SLC24A3: variants seen among roughly 807,000 people sequenced by gnomAD.
SLC24A3 encodes sodium/potassium/calcium exchanger 3.
Under a neutral mutation model 75.8 loss-of-function variants are expected in SLC24A3, and 28 were observed. The ratio of observed to expected loss-of-function variants is 0.37; its 90% confidence interval spans 0.27 to 0.51. The LOEUF is 0.51. Among genes scored for constraint, SLC24A3 ranks in the 20% least tolerant of loss-of-function variants. The probability of loss-of-function intolerance (pLI) is 0.94; values close to 1 mark genes in which losing one functional copy is unlikely to be tolerated. For missense variants in SLC24A3, 663 were observed against 847.8 expected, an observed-to-expected ratio of 0.78 and a Z score of 2.71; for synonymous variants, 372 against 334.1, an observed-to-expected ratio of 1.11 and a Z score of -1.24.
chr20:19,698,146 C>T (rs971812890), intron 14 of SLC24A3, among the ~76,000 whole-genome samples: 5 of 152,020 alleles, frequency 3.3e-5, no homozygotes, highest in Admixed American at 6.5e-5. Context: ...CCAGATCTCA[C>T]GAGATCTCAC....
At chr20:19,333,818 GTCC>G (rs1985060813) in intron 2 of SLC24A3, among the ~76,000 whole-genome samples, 1 of 152,134 alleles carries the variant, frequency 6.6e-6, no homozygotes, top group African/African-American at 2.4e-5. Flanking sequence ...CCAGTAAATT[GTCC>G]TCCACCACAC....
At chr20:19,432,838 G>T (rs1341314918) in intron 2 of SLC24A3, among the ~76,000 whole-genome samples, 3 of 152,184 alleles carry the variant, frequency 2.0e-5, no homozygotes, top group African/African-American at 7.2e-5. Flanking sequence ...AAGTTTTTTT[G>T]ATGAACTTTC....
intron 2 of SLC24A3, among the ~76,000 whole-genome samples, chr20:19,422,370 A>G (rs1262595536): frequency 6.6e-6 from 1 of 152,096 alleles, no homozygotes; most frequent in African/African-American, 2.4e-5. Flanking sequence ...GCAGGTAGTG[A>G]CACAGGTATT....
At chr20:19,704,204 T>TGG (rs11473728) in intron 15 of SLC24A3, among the ~76,000 whole-genome samples, 2 of 150,102 alleles carry the variant, frequency 1.3e-5, no homozygotes, top group South Asian at 2.1e-4. Context: ...GATGGATGGA[T>TGG]AGATGGATGG....
chr20:19,519,079 G>T (rs1036084459), intron 3 of SLC24A3, among the ~76,000 whole-genome samples: 3 of 152,122 alleles, frequency 2.0e-5, no homozygotes, highest in Non-Finnish European at 4.4e-5. Flanking sequence ...GGGGTTCACT[G>T]CTCGTAGTCA....
chr20:19,460,208 G>C (rs148237902), intron 2 of SLC24A3, among the ~76,000 whole-genome samples: 1 of 152,080 alleles, frequency 6.6e-6, no homozygotes, highest in South Asian at 2.1e-4. Context: ...TAAATTTTGC[G>C]CACCAGGTAC....
At chr20:19,368,963 A>G (rs1985944228) in intron 2 of SLC24A3, among the ~76,000 whole-genome samples, 1 of 152,246 alleles carries the variant, frequency 6.6e-6, no homozygotes, top group South Asian at 2.1e-4. Flanking sequence ...GAATGAATGA[A>G]TGAACAAGAT....
chr20:19,329,496 T>C (rs1421859199), intron 2 of SLC24A3, among the ~76,000 whole-genome samples: 1 of 152,238 alleles, frequency 6.6e-6, no homozygotes, highest in Non-Finnish European at 1.5e-5. Flanking sequence ...CAGCTATTCC[T>C]TGGGCACTTA....
At chr20:19,686,083 A>C (rs988992052) in intron 12 of SLC24A3, among the ~76,000 whole-genome samples, 5 of 152,184 alleles carry the variant, frequency 3.3e-5, no homozygotes, top group African/African-American at 1.2e-4. Context: ...GTTCTATGGG[A>C]CAGTTGGGCT....
chr20:19,221,735 C>A (rs894172148), intron 1 of SLC24A3, among the ~76,000 whole-genome samples: 1 of 152,092 alleles, frequency 6.6e-6, no homozygotes, highest in Admixed American at 6.6e-5. Flanking sequence ...CCTGTATCCA[C>A]CCCCCGCCTC....
intron 3 of SLC24A3, among the ~76,000 whole-genome samples, chr20:19,577,118 G>A (rs141442797): frequency 5.9e-5 from 9 of 151,706 alleles, no homozygotes; most frequent in African/African-American, 1.5e-4. Flanking sequence ...GCAGTGGCGC[G>A]ATCTCGGCTC....
chr20:19,268,046 C>A (rs1449314912), intron 1 of SLC24A3, among the ~76,000 whole-genome samples: 1 of 152,160 alleles, frequency 6.6e-6, no homozygotes, highest in Non-Finnish European at 1.5e-5. Context: ...CATCTCATTT[C>A]AAAATATTGT....
chr20:19,620,550 G>C (rs140142846), intron 6 of SLC24A3, among the ~76,000 whole-genome samples: 2 of 152,340 alleles, frequency 1.3e-5, no homozygotes, highest in African/African-American at 2.4e-5. Context: ...TCACCAGGGA[G>C]CAAACAGCTG....
chr20:19,418,132 G>C (rs1161633094), intron 2 of SLC24A3, among the ~76,000 whole-genome samples: 1 of 152,106 alleles, frequency 6.6e-6, no homozygotes, highest in African/African-American at 2.4e-5. Context: ...AACAACAAGG[G>C]ATCATTAGGC....
intron 12 of SLC24A3, among the ~76,000 whole-genome samples, chr20:19,690,053 G>GAAAAAAAAAAAAAAAAAAAAAAAAAAA (rs2032728740): frequency 9.7e-6 from 1 of 102,686 alleles, no homozygotes; most frequent in Non-Finnish European, 2.2e-5. Flanking sequence ...AAAAAAAAAG[G>GAAAAAAAAAAAAAAAAAAAAAAAAAAA]AAAATTAAGA....
chr20:19,325,777 C>CATATATATATATATATATATATATATAT (rs1164485509), intron 2 of SLC24A3, among the ~76,000 whole-genome samples: 2 of 58,402 alleles, frequency 3.4e-5, no homozygotes, highest in South Asian at 7.0e-4. Flanking sequence ...TATATATATA[C>CATATATATATATATATATATATATATAT]ATATATATAT....
intron 2 of SLC24A3, among the ~76,000 whole-genome samples, chr20:19,356,024 C>T (rs1985675065): frequency 6.6e-6 from 1 of 152,096 alleles, no homozygotes; most frequent in Non-Finnish European, 1.5e-5. Context: ...GTCTATAGAC[C>T]CCAAATTAAG....
At chr20:19,604,502 C>T (rs1306554598) in intron 6 of SLC24A3, among the ~76,000 whole-genome samples, 2 of 152,108 alleles carry the variant, frequency 1.3e-5, no homozygotes, top group Non-Finnish European at 2.9e-5. Flanking sequence ...GTGGGGGGTC[C>T]TGGGGCCTTG....
At chr20:19,628,350 C>T (rs748654933) in intron 6 of SLC24A3, among the ~76,000 whole-genome samples, 1 of 152,112 alleles carries the variant, frequency 6.6e-6, no homozygotes, top group Non-Finnish European at 1.5e-5. Context: ...GTCCTTCCCC[C>T]ATGGAGACAT....
Sources: gnomAD v4.1 joint callset for allele counts (sites outside exome capture counted in the v4.1 genomes callset) on GRCh38, gnomAD v4.1.1 for gene constraint, MANE v1.5 for transcripts, NCBI Gene and HGNC (gene_info 2026-07-23, HGNC 2026-07-21) for gene names.